Variants in VASN observed in about 807,000 individuals in gnomAD.
VASN encodes protein slit-like 2.
VASN carries 5 observed loss-of-function variants against 4.8 expected under a neutral mutation model. That is an observed-to-expected ratio of 1.03 (90% confidence interval 0.54 to 2.17). The LOEUF is 2.17. Ranked by LOEUF, VASN falls within the 30% of genes most tolerant of loss-of-function variation. The pLI, the probability that VASN is intolerant of heterozygous loss-of-function variation, is 0.01. For synonymous variants in VASN, 499 were observed against 460.8 expected (o/e 1.08, Z -1.06); for missense variants, 927 against 948.8 (o/e 0.98, Z 0.30).
At chr16:4,372,607 G>A (rs1335950308) in intron 1 of VASN, among the ~76,000 whole-genome samples, 1 of 152,204 alleles carries the variant, frequency 6.6e-6, no homozygotes, top group East Asian at 1.9e-4. Flanking sequence ...CTCTGCCAGG[G>A]AAGGGGCTTT....
intron 1 of VASN, among the ~76,000 whole-genome samples, chr16:4,379,579 C>G (rs958647563): frequency 1.3e-5 from 2 of 152,176 alleles, no homozygotes; most frequent in Non-Finnish European, 2.9e-5. Flanking sequence ...CTGCTTTCTT[C>G]TGTCTGCCCT....
chr16:4,373,188 G>A (rs1429147379), intron 1 of VASN, among the ~76,000 whole-genome samples: 1 of 152,152 alleles, frequency 6.6e-6, no homozygotes. Flanking sequence ...CTTCTCCCAG[G>A]GGAGTTGGCC....
chr16:4,382,893 C>A lies in VASN; in HGVS notation c.2016C>A (p.Tyr672Ter). Residue 672 changes from tyrosine to a stop codon, truncating the protein, a stop_gained, in exon 2 of 2, where the codon TAC becomes TAA. Coordinates refer to ENST00000304735, the MANE Select transcript of VASN (RefSeq NM_138440.3). LOFTEE classifies it high-confidence loss of function. ...AGTCACCCCTCCACGCAAAGCCCTA[C>A]ATCTAAGCCAGAGAGAGACAGGGCA... Reference protein sequence around the residue: ...GLQSPLHAKPYI With the variant: ...GLQSPLHAKP 1.3e-6 allele frequency: 2 copies of A among 1,516,610 alleles called. No homozygotes were observed. The highest frequency in any genetic ancestry group is 1.3e-5 in the South Asian group (1 of 76,122). 93.9% of individuals were successfully genotyped at this position (1,516,610 alleles called of 1,614,324 possible).
At chr16:4,378,485 G>A (rs1024447694) in intron 1 of VASN, among the ~76,000 whole-genome samples, 3 of 152,122 alleles carry the variant, frequency 2.0e-5, no homozygotes, top group Non-Finnish European at 2.9e-5. Context: ...TGGGGTGGGT[G>A]GGGGTCACTC....
chr16:4,375,220 C>T (rs906534396), intron 1 of VASN, among the ~76,000 whole-genome samples: 2 of 152,178 alleles, frequency 1.3e-5, no homozygotes, highest in Admixed American at 6.5e-5. Flanking sequence ...AAGTCACCCA[C>T]GGTGCTACTG....
At position 4,383,041 on chromosome 16, in the gene VASN, G is replaced by A. The variant is rs1596309368; in HGVS notation, c.*142G>A. The A allele has an allele frequency of 5.4e-6, 5 of 932,676 alleles. No individual in the cohort carries two copies. The South Asian group carries it at 7.8e-5, about 15-fold the overall frequency. The allele number at this position is 932,676 out of a possible 1,614,324, so 57.8% of individuals were successfully genotyped here. A position where few individuals can be genotyped will look rare whatever the true frequency, so the allele number is the denominator to read the frequency against. On this transcript the variant is annotated 3_prime_UTR_variant, in exon 2 of 2. Coordinates refer to ENST00000304735, the MANE Select transcript of VASN (RefSeq NM_138440.3). ...GGCTGTGTGACCACAGCTGGGCCCTGTTCCCTCTGGACCTCGGTCTCCTCA... is the reference window on the plus strand; with the variant it reads ...GGCTGTGTGACCACAGCTGGGCCCTATTCCCTCTGGACCTCGGTCTCCTCA...
At chr16:4,376,224 G>A (rs1280653701) in intron 1 of VASN, among the ~76,000 whole-genome samples, 2 of 152,198 alleles carry the variant, frequency 1.3e-5, no homozygotes, top group African/African-American at 4.8e-5. Flanking sequence ...AGGAAGGGGA[G>A]ACGGGGCGGA....
intron 1 of VASN, among the ~76,000 whole-genome samples, chr16:4,377,220 C>G (rs573128187): frequency 3.3e-5 from 5 of 152,142 alleles, no homozygotes; most frequent in African/African-American, 9.7e-5. Flanking sequence ...TTCCCACCCC[C>G]CGACGTCCCC....
At chr16:4,379,503 C>T (rs2054874759) in intron 1 of VASN, among the ~76,000 whole-genome samples, 1 of 152,166 alleles carries the variant, frequency 6.6e-6, no homozygotes, top group African/African-American at 2.4e-5. Flanking sequence ...GGCTGCTGCA[C>T]ACCTGGGCTC....
intron 1 of VASN, among the ~76,000 whole-genome samples, chr16:4,376,066 C>T (rs1300410064): frequency 6.6e-6 from 1 of 152,196 alleles, no homozygotes; most frequent in African/African-American, 2.4e-5. Flanking sequence ...GACCCCCGCT[C>T]AATCACCAGC....
In VASN at chr16:4,382,273, C is replaced by G; in HGVS notation, c.1396C>G (p.Leu466Val). Reference sequence around the variant, plus strand: ...GCCGAGGCCACCACGGTCCCTGACCCTGGGCATCGAGCCGGTGAGCCCCAC... The same window carrying G: ...GCCGAGGCCACCACGGTCCCTGACCGTGGGCATCGAGCCGGTGAGCCCCAC... Reference protein sequence around the residue: ...VTPRPPRSLTLGIEPVSPTSL... With the variant: ...VTPRPPRSLTVGIEPVSPTSL... The change falls in exon 2 of 2, where the codon CTG becomes GTG. Residue 466 changes from leucine to valine, a missense_variant. By Grantham distance (32) the Leu-to-Val change is conservative. Transcript: ENST00000304735. 1 of 1,608,906 alleles carries G rather than the reference C, an allele frequency of 6.2e-7. No homozygotes were observed. The highest frequency in any genetic ancestry group is 8.5e-7 in the Non-Finnish European group (1 of 1,178,626).
chr16:4,382,490 TG>T lies in VASN; in HGVS notation c.1617del (p.Arg542GlyfsTer86), dbSNP rs958004977. 1.8e-5 allele frequency: 28 copies of T among 1,599,614 alleles called. No homozygotes were observed. Among genetic ancestry groups the T allele is most frequent in the Admixed American group, 5.1e-5 (3 of 58,750 alleles). Reference sequence around the variant, plus strand: ...ACTTACTCCGTCTGTGTCATGCCTTTGGGGCCCGGGCGGGTGCCGGAGGGCG... The same window carrying T: ...ACTTACTCCGTCTGTGTCATGCCTTTGGGCCCGGGCGGGTGCCGGAGGGCG... ...NATYSVCVMP[L>X]GPGRVPEGEE... On this transcript the variant is annotated frameshift_variant, in exon 2 of 2. Coordinates refer to ENST00000304735, the MANE Select transcript of VASN (RefSeq NM_138440.3). LOFTEE classifies it high-confidence loss of function.
At chr16:4,378,812 G>A (rs765260217) in intron 1 of VASN, among the ~76,000 whole-genome samples, 1 of 152,152 alleles carries the variant, frequency 6.6e-6, no homozygotes, top group East Asian at 1.9e-4. Flanking sequence ...CGACAGCAAG[G>A]GGGACACCGC....
At chr16:4,372,796 C>G (rs1342890012) in intron 1 of VASN, among the ~76,000 whole-genome samples, 1 of 152,186 alleles carries the variant, frequency 6.6e-6, no homozygotes, top group Non-Finnish European at 1.5e-5. Context: ...GGTCACTGAC[C>G]GCCTCCCCTG....
Position 4,382,587 on chromosome 16 carries a change from C to T in VASN, c.1710C>T (p.Arg570=), listed in dbSNP as rs747375274. The change falls in exon 2 of 2, where the codon CGC becomes CGT. Residue 570 remains arginine (R), a synonymous_variant. Coordinates refer to ENST00000304735, the MANE Select transcript of VASN (RefSeq NM_138440.3). ...ACCACGCCCCAGTCACCCAGGCCCG[C>T]GAGGGCAACCTGCCGCTCCTCATTG... is the stretch of plus-strand genomic sequence containing the variant. ...HSNHAPVTQA[R]EGNLPLLIAP... The T allele has an allele frequency of 2.0e-5, 31 of 1,583,560 alleles. No homozygotes were observed. The highest frequency in any genetic ancestry group is 6.9e-5 in the South Asian group (6 of 87,550).
chr16:4,380,287 G>A (rs1351239682), intron 1 of VASN, among the ~76,000 whole-genome samples: 2 of 152,156 alleles, frequency 1.3e-5, no homozygotes, highest in East Asian at 1.9e-4. Flanking sequence ...ACTTCCTGGC[G>A]GCCCGCAGCC....
At chr16:4,376,295 C>T (rs1173305844) in intron 1 of VASN, among the ~76,000 whole-genome samples, 7 of 152,182 alleles carry the variant, frequency 4.6e-5, no homozygotes, top group African/African-American at 1.2e-4. Flanking sequence ...CCGTCCTGGC[C>T]GCCGGCACAG....
chr16:4,374,853 G>T (rs1468101694), intron 1 of VASN, among the ~76,000 whole-genome samples: 1 of 152,142 alleles, frequency 6.6e-6, no homozygotes, highest in Admixed American at 6.5e-5. Context: ...TAGGGCTGGC[G>T]GCCTTCCTTG....
intron 1 of VASN, among the ~76,000 whole-genome samples, chr16:4,374,284 C>T (rs1473943543): frequency 2.0e-5 from 3 of 152,090 alleles, no homozygotes; most frequent in African/African-American, 4.8e-5. Flanking sequence ...CAGAGTCAGC[C>T]GGATCGCTTT....
Sources: allele counts gnomAD v4.1 joint callset (sites outside exome capture counted in the v4.1 genomes callset), GRCh38; gene constraint gnomAD v4.1.1; transcripts MANE v1.5; gene names NCBI Gene and HGNC (gene_info 2026-07-23, HGNC 2026-07-21).